Variants in INTS11 observed in about 807,000 individuals in gnomAD.
INTS11 encodes integrator complex subunit 11, also known as CPSF3-like protein.
INTS11 carries 77 observed loss-of-function variants against 78.6 expected under a neutral mutation model. The ratio of observed to expected loss-of-function variants is 0.98; its 90% CI spans 0.81 to 1.18. The LOEUF is 1.18. INTS11 is among the 50% of genes most tolerant of loss of function. The pLI, the probability that INTS11 is intolerant of heterozygous loss-of-function variation, is 0.00. For missense variants in INTS11, 875 were observed against 825.9 expected, an observed-to-expected ratio of 1.06 and a Z score of -0.73; for synonymous variants, 441 against 326.9, an observed-to-expected ratio of 1.35 and a Z score of -3.77.
At position 1,312,969 on chromosome 1, in the gene INTS11, T is replaced by A; in HGVS notation, c.1132-20A>T. 1 of 1,611,964 alleles carries A rather than the reference T, an allele frequency of 6.2e-7. No individual in the cohort carries two copies. Among genetic ancestry groups the A allele is most frequent in the Admixed American group, 1.7e-5 (1 of 60,008 alleles). Reference sequence around the variant, plus strand: ...CTCCAGCTACAGAGGCCACGGGGCGTGGACAGTGGTTACCACCAGGAGGTG... The same window carrying A: ...CTCCAGCTACAGAGGCCACGGGGCGAGGACAGTGGTTACCACCAGGAGGTG... On this transcript the variant is annotated intron_variant, in intron 11 of 16. Coordinates refer to ENST00000435064, the MANE Select transcript of INTS11 (RefSeq NM_017871.6).
rs748275476 is a variant in INTS11, at chr1:1,314,919, CTG to C, written c.605_606del (p.Thr202ArgfsTer10). On this transcript the variant is annotated frameshift_variant, in exon 7 of 17. Coordinates refer to ENST00000435064, the MANE Select transcript of INTS11 (RefSeq NM_017871.6). LOFTEE classifies it high-confidence loss of function. The surrounding 1 kb of genome is among the most constrained non-coding windows in gnomAD (Gnocchi z 4.2). ...CGGATGGTCGTGGCGTACGTGGACT[CTG>C]TGATGAGCAGGTTGGGGCGGCACTT... Reference protein sequence around the residue: ...IDKCRPNLLITESTYATTIRD... With the variant: ...IDKCRPNLLIXESTYATTIRD... The C allele has an allele frequency of 5.6e-6, 9 of 1,613,100 alleles. No individual in the cohort carries two copies. Among genetic ancestry groups the C allele is most frequent in the Admixed American group, 3.3e-5 (2 of 60,008 alleles).
intron 3 of INTS11, 63 bp from the exon 4 acceptor site, chr1:1,319,587 G>C (rs1324850368): frequency 1.2e-5 from 15 of 1,221,814 alleles, no homozygotes; most frequent in Non-Finnish European, 1.7e-5. Flanking sequence ...CCCCGCTCTG[G>C]GCTTGTGGGT....
chr1:1,312,213 G>GCGGCCCCCCCCCCCCCCC lies in INTS11; in HGVS notation c.1607+12_1607+13insGGGGGGGGGGGGGGGCCG. The GCGGCCCCCCCCCCCCCCC allele has an allele frequency of 1.1e-6, 1 of 934,606 alleles. No homozygotes were observed. Among genetic ancestry groups the GCGGCCCCCCCCCCCCCCC allele is most frequent in the Non-Finnish European group, 1.6e-6 (1 of 636,654 alleles). 57.9% of individuals were successfully genotyped at this position (934,606 alleles called of 1,614,324 possible). The stretch of plus-strand genomic sequence containing the variant: ...CCCAAGGGAGTGGGGGGGGGGCGGG[G>GCGGCCCCCCCCCCCCCCC]CCGGGCGCCCACCTCTTGAGGTGGC... On this transcript the variant is annotated intron_variant, in intron 15 of 16. Coordinates refer to ENST00000435064, the MANE Select transcript of INTS11 (RefSeq NM_017871.6).
At chr1:1,313,467 GGCCTCCA>G (rs1285539836) in intron 10 of INTS11, 35 bp downstream of exon 10, 17 of 1,605,156 alleles carry the variant, frequency 1.1e-5, no homozygotes, top group Non-Finnish European at 1.4e-5. Context: ...ACAACCCGTC[GGCCTCCA>G]GCTTCCAGAT....
Position 1,313,611 on chromosome 1 carries a change from C to T in INTS11, c.958-19G>A, listed in dbSNP as rs1204660013. On this transcript the variant is annotated intron_variant, in intron 9 of 16. Coordinates refer to ENST00000435064, the MANE Select transcript of INTS11 (RefSeq NM_017871.6). ...ACACAACCTACAGGACACACAGGGC[C>T]AGGTGGGGGGTCAGGGCAGCAGATG... is the stretch of plus-strand genomic sequence containing the variant. 6.2e-7 allele frequency: 1 copy of T among 1,612,692 alleles called. No homozygotes were observed. The highest frequency in any genetic ancestry group is 2.2e-5 in the East Asian group (1 of 44,892).
At chr1:1,322,612 G>A (rs1374337046) in intron 1 of INTS11, among the ~76,000 whole-genome samples, 1 of 121,060 alleles carries the variant, frequency 8.3e-6, no homozygotes, top group African/African-American at 3.3e-5. Flanking sequence ...GAGAAGAAGC[G>A]GGGCGGGCGG....
In INTS11 at chr1:1,312,204, G is replaced by GGGGGT. The variant is rs1642233628; in HGVS notation, c.1607+21_1607+22insACCCC. On this transcript the variant is annotated intron_variant, in intron 15 of 16. Coordinates refer to ENST00000435064, the MANE Select transcript of INTS11 (RefSeq NM_017871.6). ...CCTCCAGGGCCCAAGGGAGTGGGGGGGGGGCGGGGCCGGGCGCCCACCTCT... is the reference window on the plus strand; with the variant it reads ...CCTCCAGGGCCCAAGGGAGTGGGGGGGGGGTGGGGCGGGGCCGGGCGCCCACCTCT... The GGGGGT allele has an allele frequency of 7.6e-6, 9 of 1,185,976 alleles. 1 individual carries two copies. The highest frequency in any genetic ancestry group is 1.4e-5 in the South Asian group (1 of 71,946). 73.5% of individuals were successfully genotyped at this position (1,185,976 alleles called of 1,614,324 possible).
chr1:1,314,563 A>G lies in INTS11; in HGVS notation c.703-198T>C. 1.6e-6 allele frequency: 1 copy of G among 633,710 alleles called. No homozygotes were observed. Among genetic ancestry groups the G allele is most frequent in the East Asian group, 2.8e-5 (1 of 36,154 alleles). The allele number at this position is 633,710 out of a possible 1,614,324, so 39.3% of individuals were successfully genotyped here. ...GAGAGACAGGAGGGAGCCGCATGAG[A>G]GACAGAAGGGAGCTGCATGAGAGAC... On this transcript the variant is annotated intron_variant, in intron 7 of 16. Coordinates refer to ENST00000435064, the MANE Select transcript of INTS11 (RefSeq NM_017871.6). The surrounding 1 kb of genome is among the most constrained non-coding windows in gnomAD (Gnocchi z 4.2).
intron 1 of INTS11, among the ~76,000 whole-genome samples, chr1:1,324,377 G>A (rs976528063): frequency 1.3e-5 from 2 of 152,136 alleles, no homozygotes; most frequent in African/African-American, 2.4e-5. Context: ...CTCGGGGCTC[G>A]CGTTCTCGCG....
rs771679573 is a variant in INTS11, at chr1:1,314,986, G to A, written c.564-24C>T. On this transcript the variant is annotated intron_variant, in intron 6 of 16. Transcript: ENST00000435064. This position sits in a 1 kb window ranked among gnomAD's most constrained non-coding sequence, Gnocchi z 4.2. ...CTCTGGAACACGGGGGTGGGGGTGTGAGCCACGATGCACTGTCCCCACGGT... is the reference window on the plus strand; with the variant it reads ...CTCTGGAACACGGGGGTGGGGGTGTAAGCCACGATGCACTGTCCCCACGGT... 6.2e-7 allele frequency: 1 copy of A among 1,609,888 alleles called. No homozygotes were observed. The highest frequency in any genetic ancestry group is 8.5e-7 in the Non-Finnish European group (1 of 1,177,586).
At chr1:1,320,426 G>C in intron 3 of INTS11, 30 bp downstream of exon 3, 1 of 1,608,386 alleles carries the variant, frequency 6.2e-7, no homozygotes, top group South Asian at 1.1e-5. Flanking sequence ...CACAGACATG[G>C]GACCCTCAAG....
chr1:1,322,428 G>A (rs370662069), intron 1 of INTS11, among the ~76,000 whole-genome samples: 5 of 148,200 alleles, frequency 3.4e-5, no homozygotes, highest in Admixed American at 2.7e-4. Flanking sequence ...CCCAAAGCAC[G>A]CCAGACGAAG....
At chr1:1,322,302 G>C (rs780376640) in intron 1 of INTS11, among the ~76,000 whole-genome samples, 1 of 151,650 alleles carries the variant, frequency 6.6e-6, no homozygotes, top group Non-Finnish European at 1.5e-5. Context: ...GTGATCCCAG[G>C]AAGGAAAGTG....
In INTS11 at chr1:1,312,949, G is replaced by A. The variant is rs56104163; in HGVS notation, c.1132C>T (p.Leu378=). ...TACTCCACCTGCATCTTGACCTCCA[G>A]CTACAGAGGCCACGGGGCGTGGACA... ...RKLEMEGRQV[L]EVKMQVEYMS... Residue 378 remains leucine, a splice_region_variant and synonymous_variant, in exon 12 of 17, where the codon CTG becomes TTG. Coordinates refer to ENST00000435064, the MANE Select transcript of INTS11 (RefSeq NM_017871.6). 3.8e-3 allele frequency: 6,139 copies of A among 1,611,684 alleles called. 17 individuals are homozygous for A. The highest frequency in any genetic ancestry group is 4.9e-3 in the Non-Finnish European group (5,726 of 1,179,124).
At chr1:1,319,552 G>A in intron 3 of INTS11, 28 bp from the exon 4 acceptor site, 1 of 1,499,398 alleles carries the variant, frequency 6.7e-7, no homozygotes, top group Non-Finnish European at 9.0e-7. Flanking sequence ...AGGTCAGCCT[G>A]GGCCCACCCT....
rs1239727382 is a variant in INTS11, at chr1:1,312,097, A to G, written c.1658T>C (p.Val553Ala). The G allele has an allele frequency of 2.7e-5, 42 of 1,576,210 alleles. No homozygotes were observed. Among genetic ancestry groups the G allele is most frequent in the Non-Finnish European group, 3.6e-5 (42 of 1,159,802 alleles). ...VQHLPDGSVT[V>A]ESVLLQAAAP... Reference sequence around the variant, plus strand: ...GGCGGCCTGGAGGAGGACGGACTCCACAGTCACAGAGCCGTCTGGGAGGTG... The same window carrying G: ...GGCGGCCTGGAGGAGGACGGACTCCGCAGTCACAGAGCCGTCTGGGAGGTG... The change falls in exon 16 of 17, where the codon GTG (valine) becomes GCG (alanine). Residue 553 changes from valine (V) to alanine (A), a missense_variant. Transcript: ENST00000435064.
At chr1:1,321,687 G>A (rs1642956503) in intron 1 of INTS11, among the ~76,000 whole-genome samples, 1 of 152,224 alleles carries the variant, frequency 6.6e-6, no homozygotes, top group Non-Finnish European at 1.5e-5. Flanking sequence ...TGCACACCAT[G>A]CAGCCCCCAA....
intron 1 of INTS11, among the ~76,000 whole-genome samples, chr1:1,322,156 TC>T (rs1232801297): frequency 3.3e-5 from 5 of 151,826 alleles, no homozygotes; most frequent in Non-Finnish European, 7.4e-5. Flanking sequence ...GGGCCGCCCC[TC>T]TTCATGCCCA....
intron 4 of INTS11, chr1:1,317,293 C>G (rs183031341): frequency 1.3e-5 from 2 of 159,704 alleles, no homozygotes; most frequent in Non-Finnish European, 2.7e-5. Flanking sequence ...ACTCGGGAGG[C>G]TGAGGCAGGA....
Sources: gnomAD v4.1 joint callset for allele counts (sites outside exome capture counted in the v4.1 genomes callset) on GRCh38, gnomAD v4.1.1 for gene constraint, Gnocchi (gnomAD v3.1) non-coding constraint, MANE v1.5 for transcripts, NCBI Gene and HGNC (gene_info 2026-07-23, HGNC 2026-07-21) for gene names.